Variants in CADM2 observed in about 807,000 individuals in gnomAD.
CADM2 encodes immunoglobulin superfamily member 4D.
In CADM2, 12 loss-of-function variants were observed where a neutral mutation model predicts 49.8. The ratio of observed to expected loss-of-function variants is 0.24; its 90% CI spans 0.15 to 0.39. The LOEUF (loss-of-function observed/expected upper bound fraction) is 0.39, where lower values mean the gene tolerates loss of function less well. Among genes scored for constraint, CADM2 ranks in the 10% least tolerant of loss-of-function variants. The probability of loss-of-function intolerance (pLI) is 1.00; values close to 1 mark genes in which losing one functional copy is unlikely to be tolerated. For missense variants in CADM2, 378 were observed against 492.3 expected (o/e 0.77, Z 2.20); for synonymous variants, 214 against 175.4 (o/e 1.22, Z -1.74).
intron 3 of CADM2, among the ~76,000 whole-genome samples, chr3:85,823,511 T>G (rs992676155): frequency 3.3e-5 from 5 of 152,166 alleles, no homozygotes; most frequent in African/African-American, 1.2e-4. Context: ...ATGTGTGTAT[T>G]TATCTCTTTG....
intron 1 of CADM2, among the ~76,000 whole-genome samples, chr3:85,151,322 CT>C (rs959012188): frequency 2.4e-4 from 36 of 149,162 alleles, no homozygotes; most frequent in East Asian, 9.8e-4. Context: ...TGATTGTGTA[CT>C]TTTTTTTTTC....
chr3:86,013,506 A>G (rs1731811402), intron 8 of CADM2: 2 of 1,604,594 alleles, frequency 1.2e-6, no homozygotes, highest in South Asian at 1.1e-5. Context: ...CTTTGAGACA[A>G]CAGCAGTTAA....
intron 1 of CADM2, among the ~76,000 whole-genome samples, chr3:85,378,502 C>A (rs1002399608): frequency 4.6e-5 from 7 of 151,982 alleles, no homozygotes; most frequent in African/African-American, 1.7e-4. Context: ...GGGTGAGAGA[C>A]AGTAAGCTGC....
chr3:85,376,352 C>T (rs1439063357), intron 1 of CADM2, among the ~76,000 whole-genome samples: 1 of 152,042 alleles, frequency 6.6e-6, no homozygotes, highest in African/African-American at 2.4e-5. Context: ...GTATAATTAG[C>T]TGCAGAGTTA....
intron 1 of CADM2, among the ~76,000 whole-genome samples, chr3:85,610,809 C>T (rs1292750209): frequency 6.6e-6 from 1 of 151,908 alleles, no homozygotes; most frequent in African/African-American, 2.4e-5. Flanking sequence ...AATGTATTAA[C>T]TTTGAAAATG....
intron 1 of CADM2, among the ~76,000 whole-genome samples, chr3:85,599,021 T>C (rs940865942): frequency 6.6e-6 from 1 of 151,960 alleles, no homozygotes; most frequent in African/African-American, 2.4e-5. Flanking sequence ...AAGAATTATA[T>C]TGAATTTTCT....
chr3:85,467,892 C>T (rs930749298), intron 1 of CADM2, among the ~76,000 whole-genome samples: 3 of 151,968 alleles, frequency 2.0e-5, no homozygotes, highest in Admixed American at 6.6e-5. Flanking sequence ...ATTGAGGCAG[C>T]GCCTGTAATC....
At chr3:85,377,506 A>T (rs534432734) in intron 1 of CADM2, among the ~76,000 whole-genome samples, 70 of 152,212 alleles carry the variant, frequency 4.6e-4, no homozygotes, top group Non-Finnish European at 8.8e-4. Flanking sequence ...GGTCTCATTA[A>T]AATCATTCTA....
chr3:85,235,555 T>A (rs1302271601), intron 1 of CADM2, among the ~76,000 whole-genome samples: 1 of 152,144 alleles, frequency 6.6e-6, no homozygotes, highest in Non-Finnish European at 1.5e-5. Context: ...TTTGATTTTA[T>A]CTTAATTTTA....
chr3:85,765,455 A>G (rs1577255490), intron 2 of CADM2, among the ~76,000 whole-genome samples: 1 of 151,964 alleles, frequency 6.6e-6, no homozygotes, highest in East Asian at 1.9e-4. Flanking sequence ...TTTCCCTCTA[A>G]CATTCCCAAG....
intron 8 of CADM2, among the ~76,000 whole-genome samples, chr3:86,031,216 T>A (rs1168945518): frequency 1.3e-5 from 2 of 151,854 alleles, no homozygotes; most frequent in Admixed American, 1.3e-4. Flanking sequence ...ATGCCCTGGA[T>A]GGGTTTAATT....
chr3:85,119,150 C>T (rs539858044), intron 1 of CADM2, among the ~76,000 whole-genome samples: 107 of 152,208 alleles, frequency 7.0e-4, no homozygotes, highest in South Asian at 6.8e-3. Context: ...TGGTGGCTCA[C>T]GCCTGTAATC....
chr3:85,184,158 T>G lies in CADM2; in HGVS notation c.61+224490T>G, dbSNP rs182072281. Among the ~76,000 whole-genome samples the G allele has an allele frequency of 3.7e-4, 56 of 152,106 alleles. 1 individual carries two copies. In the East Asian group the frequency reaches 9.7e-3, roughly 26 times the overall value. ...GTGAGAGGCAAACACAGCATGGAAG[T>G]TGACAAAGATAATAAATGAAAAAAA... On this transcript the variant is annotated intron_variant, in intron 1 of 9. Coordinates refer to ENST00000383699, the MANE Select transcript of CADM2 (RefSeq NM_001167675.2).
chr3:85,488,496 T>A (rs938849350), intron 1 of CADM2, among the ~76,000 whole-genome samples: 3 of 151,974 alleles, frequency 2.0e-5, no homozygotes, highest in African/African-American at 4.8e-5. Context: ...ATGAGATGAT[T>A]TAGGTAATTT....
At chr3:85,292,319 G>T (rs2043822614) in intron 1 of CADM2, among the ~76,000 whole-genome samples, 1 of 150,658 alleles carries the variant, frequency 6.6e-6, no homozygotes, top group African/African-American at 2.5e-5. Flanking sequence ...AAGAGACTTA[G>T]ACTCCCACAC....
intron 1 of CADM2, among the ~76,000 whole-genome samples, chr3:85,582,935 T>C (rs1344205437): frequency 2.6e-5 from 4 of 152,018 alleles, no homozygotes; most frequent in Non-Finnish European, 4.4e-5. Flanking sequence ...GTTTCCAAAT[T>C]TGTAAAATAA....
intron 1 of CADM2, among the ~76,000 whole-genome samples, chr3:85,175,917 A>ATCTTTT (rs2040770334): frequency 8.0e-6 from 1 of 125,420 alleles, no homozygotes; most frequent in African/African-American, 3.6e-5. Context: ...TTATGTCCTA[A>ATCTTTT]TCTTTTTTTT....
intron 1 of CADM2, among the ~76,000 whole-genome samples, chr3:85,345,330 A>G (rs1367163267): frequency 6.7e-6 from 1 of 150,346 alleles, no homozygotes; most frequent in African/African-American, 2.4e-5. Context: ...AAAAAAAAAA[A>G]AAAAGAAAGA....
chr3:85,113,447 G>A, intron 1 of CADM2, among the ~76,000 whole-genome samples: 1 of 151,798 alleles, frequency 6.6e-6, no homozygotes, highest in Non-Finnish European at 1.5e-5. Flanking sequence ...TGTGTAGAGA[G>A]AGGATAGTGT....
Sources: gnomAD v4.1 joint callset for allele counts (sites outside exome capture counted in the v4.1 genomes callset) on GRCh38, gnomAD v4.1.1 for gene constraint, MANE v1.5 for transcripts, NCBI Gene and HGNC (gene_info 2026-07-23, HGNC 2026-07-21) for gene names.